Variants in CLIP2 observed in about 807,000 individuals in gnomAD.
The protein encoded by CLIP2 is CAP-Gly domain containing linker protein 2, also known as CAP-Gly domain-containing linker protein 2.
In CLIP2, 41 loss-of-function variants were observed where a neutral mutation model predicts 111.7. The observed-to-expected ratio is 0.37, with a 90% CI of 0.29 to 0.48. CLIP2 has a LOEUF of 0.48. CLIP2 is among the 20% of genes least tolerant of loss of function. CLIP2 has a pLI of 0.99. For synonymous variants in CLIP2, 660 were observed against 644.2 expected, an observed-to-expected ratio of 1.02 and a Z score of -0.37; for missense variants, 1,160 against 1,422.1, an observed-to-expected ratio of 0.82 and a Z score of 2.96.
At chr7:74,401,388 G>A in intron 15 of CLIP2, 117 bp from the exon 16 acceptor site, 2 of 928,148 alleles carry the variant, frequency 2.2e-6, no homozygotes, top group Non-Finnish European at 3.4e-6. Flanking sequence ...GCCCCAGGCT[G>A]AAGGGGTTGG....
In CLIP2 at chr7:74,401,492, C is replaced by G; in HGVS notation, c.3067-13C>G. On this transcript the variant is annotated splice_polypyrimidine_tract_variant and intron_variant, in intron 15 of 16. Transcript: ENST00000223398. ...TGGTGCACCTGGCTCAGTGTCTCCC[C>G]TAACTCTTCCAGACCATCGGCAATT... is the stretch of plus-strand genomic sequence containing the variant. 1 of 1,613,914 alleles carries G rather than the reference C, an allele frequency of 6.2e-7. No homozygotes were observed. The highest frequency in any genetic ancestry group is 8.5e-7 in the Non-Finnish European group (1 of 1,179,916).
At chr7:74,401,391 G>T in intron 15 of CLIP2, 114 bp from the exon 16 acceptor site, 1 of 950,226 alleles carries the variant, frequency 1.1e-6, no homozygotes, top group Non-Finnish European at 1.7e-6. Flanking sequence ...CCAGGCTGAA[G>T]GGGTTGGAAT....
chr7:74,331,162 T>G (rs1031086616), intron 2 of CLIP2, among the ~76,000 whole-genome samples: 68 of 122,306 alleles, frequency 5.6e-4, no homozygotes, highest in African/African-American at 2.1e-3. Flanking sequence ...GCCGAGATCA[T>G]GCCACTGCAC....
chr7:74,336,847 GTTT>G lies in CLIP2; in HGVS notation c.122-1600_122-1598del, dbSNP rs1564048895. ...ATGCAAGCCTGTGATTACTATGGTT[GTTT>G]GTTTTTTTTGTTTTTTTTTTTTTTG... On this transcript the variant is annotated intron_variant, in intron 2 of 16. Coordinates refer to ENST00000223398, the MANE Select transcript of CLIP2 (RefSeq NM_003388.5). 2.6e-4 allele frequency among the ~76,000 whole-genome samples: 6 copies of G among 23,492 alleles called. No individual in the cohort carries two copies. In the Admixed American group the frequency reaches 3.0e-3, roughly 12 times the overall value. The allele number at this position is 23,492 out of a possible 152,430, so 15.4% of individuals were successfully genotyped here.
chr7:74,397,783 C>T (rs1372241938), intron 14 of CLIP2, among the ~76,000 whole-genome samples: 5 of 150,258 alleles, frequency 3.3e-5, no homozygotes, highest in African/African-American at 9.8e-5. Context: ...TCTCCTGCCT[C>T]AGCCTCCCAA....
chr7:74,376,064 G>C lies in CLIP2; in HGVS notation c.1663G>C (p.Glu555Gln). ...LRERLLSASK[E>Q]HQRESGVLRD... ...GGAGCGGCTGCTCTCGGCCAGCAAG[G>C]AACACCAGAGGGAGAGTGGGGTGCT... Residue 555 changes from glutamate to glutamine, a missense_variant, in exon 10 of 17, where the codon GAA becomes CAA. Physicochemically the swap from Glu to Gln is conservative, Grantham distance 29. Coordinates refer to ENST00000223398, the MANE Select transcript of CLIP2 (RefSeq NM_003388.5). This position sits in a 1 kb window ranked among gnomAD's most constrained non-coding sequence, Gnocchi z 7.1. 6.2e-7 allele frequency: 1 copy of C among 1,612,944 alleles called. No individual in the cohort carries two copies. The highest frequency in any genetic ancestry group is 8.5e-7 in the Non-Finnish European group (1 of 1,179,940).
chr7:74,361,209 C>CCT (rs1584360324), intron 7 of CLIP2, among the ~76,000 whole-genome samples: 11 of 19,564 alleles, frequency 5.6e-4, no homozygotes, highest in African/African-American at 3.6e-4. Context: ...CCTTCCTTCC[C>CCT]TCCCTCCCTC....
rs138183024 is a variant in CLIP2, at chr7:74,356,017, G to C, written c.804-393G>C. On this transcript the variant is annotated intron_variant, in intron 4 of 16. Transcript: ENST00000223398. ...GGAGGACCAGTCTCAGCTTTGCTGCGTAACCAGCTGTGTGACTGTGGGCAA... is the reference window on the plus strand; with the variant it reads ...GGAGGACCAGTCTCAGCTTTGCTGCCTAACCAGCTGTGTGACTGTGGGCAA... 3.4e-3 allele frequency among the ~76,000 whole-genome samples: 511 copies of C among 152,294 alleles called. 2 individuals carry two copies. Among genetic ancestry groups the C allele is most frequent in the African/African-American group, 8.9e-3 (371 of 41,560 alleles).
At chr7:74,323,531 A>G (rs906191967) in intron 2 of CLIP2, among the ~76,000 whole-genome samples, 11 of 150,988 alleles carry the variant, frequency 7.3e-5, no homozygotes. Flanking sequence ...GGGTTCAAGC[A>G]ATTCTCCTGC....
intron 12 of CLIP2, chr7:74,388,554 T>C (rs1270290139): frequency 1.3e-5 from 2 of 152,006 alleles, no homozygotes; most frequent in East Asian, 1.9e-4. Flanking sequence ...CCCAGCACTT[T>C]TGAAGCCAAG....
At chr7:74,365,585 G>A (rs977690360) in intron 8 of CLIP2, among the ~76,000 whole-genome samples, 3 of 152,192 alleles carry the variant, frequency 2.0e-5, no homozygotes, top group Non-Finnish European at 4.4e-5. Context: ...GGATCCAGCC[G>A]GCCCTGGCTG....
At chr7:74,355,713 A>G (rs995604331) in intron 4 of CLIP2, among the ~76,000 whole-genome samples, 6 of 152,220 alleles carry the variant, frequency 3.9e-5, no homozygotes, top group African/African-American at 1.4e-4. Flanking sequence ...TTTCCATAAC[A>G]ATGCTTTGCC....
chr7:74,376,253 G>A lies in CLIP2; in HGVS notation c.1852G>A (p.Asp618Asn), dbSNP rs1403239738. Residue 618 changes from aspartate to asparagine, a missense_variant, in exon 10 of 17, where the codon GAC (aspartate) becomes AAC (asparagine). Around this residue, in one of 5 missense-constraint regions of CLIP2, gnomAD observed 676 missense variants for 777.8 expected, o/e 0.87. Transcript: ENST00000223398. The surrounding 1 kb of genome is among the most constrained non-coding windows in gnomAD (Gnocchi z 7.1). ...AATGGACAACTGGAAATCCAAGCTG[G>A]ACTCGCTGGCCTCGGACCACCAGAA... ...GLMDNWKSKL[D>N]SLASDHQKSL... 6.2e-7 allele frequency: 1 copy of A among 1,612,698 alleles called. No homozygotes were observed. Among genetic ancestry groups the A allele is most frequent in the Non-Finnish European group, 8.5e-7 (1 of 1,179,390 alleles).
chr7:74,368,176 G>C, intron 8 of CLIP2, among the ~76,000 whole-genome samples: 1 of 151,686 alleles, frequency 6.6e-6, no homozygotes, highest in Non-Finnish European at 1.5e-5. Context: ...TCACACCACT[G>C]TACTCCAGCC....
At chr7:74,383,603 C>T (rs1584381003) in intron 11 of CLIP2, among the ~76,000 whole-genome samples, 1 of 152,128 alleles carries the variant, frequency 6.6e-6, no homozygotes, top group East Asian at 1.9e-4. Context: ...TACAATCAGC[C>T]ATTTTAAAGC....
In CLIP2 at chr7:74,365,462, G is replaced by GCT. The variant is rs1584364233; in HGVS notation, c.1380+1150_1380+1151dup. ...TGTCTGTTTCCCACTGTGTTTCTCG[G>GCT]CTCTGCTCTTCTCCCAGCCCCGCCC... On this transcript the variant is annotated intron_variant, in intron 8 of 16. Transcript: ENST00000223398. 2.0e-5 allele frequency among the ~76,000 whole-genome samples: 3 copies of GCT among 152,246 alleles called. 1 individual carries two copies. In the East Asian group the frequency reaches 5.8e-4, roughly 29 times the overall value.
At chr7:74,331,802 T>C (rs1057210679) in intron 2 of CLIP2, among the ~76,000 whole-genome samples, 2 of 151,966 alleles carry the variant, frequency 1.3e-5, no homozygotes, top group African/African-American at 2.4e-5. Flanking sequence ...CTTGAACTCC[T>C]GAACTCAGGT....
chr7:74,389,857 C>G (rs1437326506), intron 13 of CLIP2, among the ~76,000 whole-genome samples: 1 of 151,482 alleles, frequency 6.6e-6, no homozygotes, highest in African/African-American at 2.4e-5. Flanking sequence ...TGAGATCATG[C>G]CACTGCACTC....
chr7:74,359,008 A>G (rs1790235194), intron 6 of CLIP2, among the ~76,000 whole-genome samples: 2 of 152,162 alleles, frequency 1.3e-5, no homozygotes, highest in Non-Finnish European at 1.5e-5. Flanking sequence ...TCTGTCACCC[A>G]GGCTGGAGTG....
Sources: gnomAD v4.1 joint callset for allele counts (sites outside exome capture counted in the v4.1 genomes callset) on GRCh38, gnomAD v4.1.1 for gene constraint, gnomAD v4.1.1 regional missense constraint, Gnocchi (gnomAD v3.1) non-coding constraint, MANE v1.5 for transcripts, NCBI Gene and HGNC (gene_info 2026-07-23, HGNC 2026-07-21) for gene names.